The following RPS6KA2 variants were observed in gnomAD, a reference collection of about 807,000 sequenced individuals.
RPS6KA2 encodes the protein ribosomal protein S6 kinase A2, also known as ribosomal protein S6 kinase alpha-2.
A neutral mutation model predicts 91.8 loss-of-function variants in RPS6KA2; 42 were observed. The ratio of observed to expected loss-of-function variants is 0.46; its 90% CI spans 0.36 to 0.59. The LOEUF (loss-of-function observed/expected upper bound fraction) is 0.59. Among genes scored for constraint, RPS6KA2 ranks in the 20% least tolerant of loss-of-function variants. The probability of loss-of-function intolerance (pLI) is 0.00; values close to 1 mark genes in which losing one functional copy is unlikely to be tolerated. For synonymous variants in RPS6KA2, 414 were observed against 393.6 expected (o/e 1.05, Z -0.61); for missense variants, 798 against 978.5 (o/e 0.82, Z 2.46).
intron 12 of RPS6KA2, among the ~76,000 whole-genome samples, chr6:166,453,970 G>A (rs1218995015): frequency 6.6e-6 from 1 of 152,230 alleles, no homozygotes; most frequent in Non-Finnish European, 1.5e-5. Context: ...AACATCGCAT[G>A]TTCTCACTCA....
rs1780776892 is a variant in RPS6KA2, at chr6:166,852,723, T to C, written c.123+5477A>G. On this transcript the variant is annotated intron_variant, in intron 2 of 21. Transcript: ENST00000503859. The surrounding 1 kb of genome is among the most constrained non-coding windows in gnomAD (Gnocchi z 4.1). The stretch of plus-strand genomic sequence containing the variant: ...AGGCCACGCTGACACGCTCAGGAGC[T>C]CATCCCTGAGCGCCCACAGGCCCCT... 6.6e-6 allele frequency among the ~76,000 whole-genome samples: 1 copy of C among 151,982 alleles called. No individual in the cohort carries two copies. The highest frequency in any genetic ancestry group is 2.4e-5 in the African/African-American group (1 of 41,372).
chr6:166,790,640 G>A (rs1779058966), intron 2 of RPS6KA2, among the ~76,000 whole-genome samples: 1 of 152,196 alleles, frequency 6.6e-6, no homozygotes, highest in Admixed American at 6.5e-5. Flanking sequence ...ACAAAGGGAA[G>A]CCCATCATAC....
intron 2 of RPS6KA2, among the ~76,000 whole-genome samples, chr6:166,738,088 T>C (rs1790717927): frequency 6.6e-6 from 1 of 152,266 alleles, no homozygotes; most frequent in South Asian, 2.1e-4. Context: ...TTGCATTTAG[T>C]ACATGTGGAT....
At position 166,732,890 on chromosome 6, in the gene RPS6KA2, T is replaced by C. The variant is rs1790570094; in HGVS notation, c.123+125310A>G. Among the ~76,000 whole-genome samples, 1 of 151,978 alleles carries C rather than the reference T, an allele frequency of 6.6e-6. No homozygotes were observed. Among genetic ancestry groups the C allele is most frequent in the Non-Finnish European group, 1.5e-5 (1 of 68,008 alleles). On this transcript the variant is annotated intron_variant, in intron 2 of 21. Transcript: ENST00000503859. This position sits in a 1 kb window ranked among gnomAD's most constrained non-coding sequence, Gnocchi z 4.0. Reference sequence around the variant, plus strand: ...GCTCTGGTTCAAGTTGGTGTTCAAATAAAAGTAAGTCACAACAAAACAAAA... The same window carrying C: ...GCTCTGGTTCAAGTTGGTGTTCAAACAAAAGTAAGTCACAACAAAACAAAA...
At chr6:166,862,743 C>G (rs1250804098), upstream of RPS6KA2, 1 of 146,456 alleles carries the variant, frequency 6.8e-6, no homozygotes, top group East Asian at 2.0e-4. Context: ...CCACCCCCAG[C>G]ACGCGCACAC....
chr6:166,456,132 A>T (rs1028969299), intron 12 of RPS6KA2, among the ~76,000 whole-genome samples: 3 of 152,244 alleles, frequency 2.0e-5, no homozygotes, highest in African/African-American at 7.2e-5. Flanking sequence ...CGGAAGACAC[A>T]GCCACAACCT....
chr6:166,836,300 A>G (rs1562464145), intron 2 of RPS6KA2, among the ~76,000 whole-genome samples: 1 of 152,082 alleles, frequency 6.6e-6, no homozygotes, highest in Non-Finnish European at 1.5e-5. Flanking sequence ...TTCTGGACAT[A>G]TTTGTGTAGA....
intron 2 of RPS6KA2, among the ~76,000 whole-genome samples, chr6:166,782,766 C>T (rs931613895): frequency 1.3e-5 from 2 of 152,128 alleles, no homozygotes; most frequent in South Asian, 2.1e-4. Flanking sequence ...CAGCTCAGCC[C>T]GGATGCAACA....
At position 166,733,758 on chromosome 6, in the gene RPS6KA2, G is replaced by T. The variant is rs1467152310; in HGVS notation, c.123+124442C>A. ...GGAAGTGGAGGCTGCCCTGGTAGGT[G>T]CCATCCCTAAACTGTTTGGGAGAGA... On this transcript the variant is annotated intron_variant, in intron 2 of 21. Transcript: ENST00000503859. This position sits in a 1 kb window ranked among gnomAD's most constrained non-coding sequence, Gnocchi z 4.1. Among the ~76,000 whole-genome samples, 1 of 152,214 alleles carries T rather than the reference G, an allele frequency of 6.6e-6. No homozygotes were observed. The highest frequency in any genetic ancestry group is 2.4e-5 in the African/African-American group (1 of 41,452).
At chr6:166,656,095 G>A (rs1169626273) in intron 2 of RPS6KA2, among the ~76,000 whole-genome samples, 2 of 152,230 alleles carry the variant, frequency 1.3e-5, no homozygotes, top group East Asian at 3.9e-4. Context: ...GCCTAGAACC[G>A]TGAACAAAGG....
At chr6:166,824,933 C>T (rs1312536198) in intron 2 of RPS6KA2, among the ~76,000 whole-genome samples, 2 of 152,160 alleles carry the variant, frequency 1.3e-5, no homozygotes, top group African/African-American at 2.4e-5. Flanking sequence ...GAGGCAATCA[C>T]ATCAGGACAG....
intron 2 of RPS6KA2, among the ~76,000 whole-genome samples, chr6:166,784,432 G>A (rs759253103): frequency 0.018 from 45 of 2,446 alleles, 9 homozygotes; most frequent in South Asian, 0.062. Flanking sequence ...AACCACATAT[G>A]CACACGTGCA....
chr6:166,844,883 A>G (rs909594581), intron 2 of RPS6KA2, among the ~76,000 whole-genome samples: 11 of 152,230 alleles, frequency 7.2e-5, no homozygotes, highest in African/African-American at 2.6e-4. Context: ...AAAACAAACC[A>G]AGGTATTCAG....
chr6:166,531,630 T>A (rs969760785), intron 2 of RPS6KA2, among the ~76,000 whole-genome samples: 3 of 151,962 alleles, frequency 2.0e-5, no homozygotes, highest in Non-Finnish European at 2.9e-5. Context: ...CAAACAGGAG[T>A]TTTAAGGGAG....
chr6:166,656,565 C>T (rs1284336470), intron 2 of RPS6KA2, among the ~76,000 whole-genome samples: 4 of 152,234 alleles, frequency 2.6e-5, no homozygotes, highest in Non-Finnish European at 5.9e-5. Flanking sequence ...CAGGTGCTCC[C>T]GTGACTCTGC....
chr6:166,717,663 C>T (rs1379778810), intron 2 of RPS6KA2, among the ~76,000 whole-genome samples: 1 of 152,148 alleles, frequency 6.6e-6, no homozygotes, highest in Non-Finnish European at 1.5e-5. Context: ...GTTTTAGATT[C>T]CAGTGGTAGT....
intron 3 of RPS6KA2, among the ~76,000 whole-genome samples, chr6:166,519,746 G>C (rs941077211): frequency 1.3e-5 from 2 of 152,168 alleles, no homozygotes; most frequent in African/African-American, 2.4e-5. Flanking sequence ...CTACTTTCTG[G>C]AACCCCTCTT....
At chr6:166,524,740 T>G (rs531396816) in intron 3 of RPS6KA2, among the ~76,000 whole-genome samples, 11 of 152,328 alleles carry the variant, frequency 7.2e-5, no homozygotes, top group Non-Finnish European at 1.5e-4. Flanking sequence ...GAGCCTCACG[T>G]CGGCAATGAT....
chr6:166,453,488 A>G (rs1779985421), intron 12 of RPS6KA2, among the ~76,000 whole-genome samples: 1 of 152,236 alleles, frequency 6.6e-6, no homozygotes, highest in Non-Finnish European at 1.5e-5. Context: ...ATCGCTAATC[A>G]TCAGATAAAT....
Sources: gnomAD v4.1 joint callset for allele counts (sites outside exome capture counted in the v4.1 genomes callset) on GRCh38, gnomAD v4.1.1 for gene constraint, Gnocchi (gnomAD v3.1) non-coding constraint, MANE v1.5 for transcripts, NCBI Gene and HGNC (gene_info 2026-07-23, HGNC 2026-07-21) for gene names.